CHST11: variants seen among roughly 807,000 people sequenced by gnomAD.
The protein encoded by CHST11 is carbohydrate sulfotransferase 11, also known as C4S-1.
CHST11 carries 9 observed loss-of-function variants against 30.4 expected under a neutral mutation model. That is an observed-to-expected ratio of 0.30 (90% confidence interval 0.18 to 0.52). CHST11 has a LOEUF of 0.52. Among genes scored for constraint, CHST11 ranks in the 20% least tolerant of loss-of-function variants. The pLI is 0.97. For synonymous variants in CHST11, 152 were observed against 187.8 expected (o/e 0.81, Z 1.56); for missense variants, 348 against 460.6 (o/e 0.76, Z 2.24).
chr12:104,626,264 T>G (rs936829569), intron 2 of CHST11, among the ~76,000 whole-genome samples: 1 of 152,224 alleles, frequency 6.6e-6, no homozygotes, highest in African/African-American at 2.4e-5. Flanking sequence ...CAAGTTAGTT[T>G]GAGCTATTTT....
At chr12:104,468,879 A>T (rs935482060) in intron 1 of CHST11, among the ~76,000 whole-genome samples, 4 of 152,242 alleles carry the variant, frequency 2.6e-5, no homozygotes, top group African/African-American at 9.6e-5. Flanking sequence ...ATGAGAAGTT[A>T]GATGTGAAAA....
intron 2 of CHST11, among the ~76,000 whole-genome samples, chr12:104,743,272 TG>T (rs1370005700): frequency 6.6e-6 from 1 of 152,220 alleles, no homozygotes; most frequent in Non-Finnish European, 1.5e-5. Flanking sequence ...GGGAAGGGGA[TG>T]GGAGAGCTGA....
chr12:104,598,883 C>T (rs2038931664), intron 1 of CHST11, among the ~76,000 whole-genome samples: 1 of 148,776 alleles, frequency 6.7e-6, no homozygotes, highest in Non-Finnish European at 1.5e-5. Context: ...GCCAGCTGGC[C>T]TAGCTGAGTT....
chr12:104,627,797 G>GAT (rs398116829), intron 2 of CHST11, among the ~76,000 whole-genome samples: 7 of 152,198 alleles, frequency 4.6e-5, no homozygotes, highest in East Asian at 3.9e-4. Context: ...TGATGATGAT[G>GAT]GTGGTGGTGG....
At chr12:104,459,973 A>G (rs554713645) in intron 1 of CHST11, among the ~76,000 whole-genome samples, 5 of 152,394 alleles carry the variant, frequency 3.3e-5, no homozygotes, top group African/African-American at 1.2e-4. Context: ...TCAACAGTTT[A>G]TCATTACACG....
chr12:104,597,597 G>A (rs975689748), intron 1 of CHST11, among the ~76,000 whole-genome samples: 3 of 152,116 alleles, frequency 2.0e-5, no homozygotes, highest in African/African-American at 7.3e-5. Context: ...AACCTTTTGA[G>A]TACCTACTAC....
At chr12:104,634,888 G>T (rs1425058478) in intron 2 of CHST11, among the ~76,000 whole-genome samples, 2 of 152,102 alleles carry the variant, frequency 1.3e-5, no homozygotes, top group Non-Finnish European at 2.9e-5. Flanking sequence ...TACTCCTGGG[G>T]TTGTCCATTT....
chr12:104,497,213 T>C (rs2037807389), intron 1 of CHST11, among the ~76,000 whole-genome samples: 1 of 152,232 alleles, frequency 6.6e-6, no homozygotes, highest in Non-Finnish European at 1.5e-5. Flanking sequence ...CATGTGGATA[T>C]GGGGTCTTAA....
intron 2 of CHST11, among the ~76,000 whole-genome samples, chr12:104,629,585 G>T (rs1031773115): frequency 1.3e-5 from 2 of 151,064 alleles, no homozygotes; most frequent in African/African-American, 2.4e-5. Context: ...ACTTTGGGAG[G>T]CCGAGGCAGG....
chr12:104,740,255 G>C (rs2040336025), intron 2 of CHST11, among the ~76,000 whole-genome samples: 1 of 152,138 alleles, frequency 6.6e-6, no homozygotes, highest in Non-Finnish European at 1.5e-5. Flanking sequence ...CTTCTTTTTA[G>C]TTTTATAATT....
At chr12:104,722,719 G>A (rs2040187620) in intron 2 of CHST11, among the ~76,000 whole-genome samples, 1 of 151,472 alleles carries the variant, frequency 6.6e-6, no homozygotes, top group Admixed American at 6.6e-5. Context: ...AGAAAACAAG[G>A]CCCCATCCCC....
chr12:104,574,495 G>C (rs1314157640), intron 1 of CHST11, among the ~76,000 whole-genome samples: 1 of 152,312 alleles, frequency 6.6e-6, no homozygotes, highest in East Asian at 1.9e-4. Context: ...TTAAGAAAAT[G>C]TGGCACATAT....
chr12:104,582,823 G>A (rs1413749795), intron 1 of CHST11, among the ~76,000 whole-genome samples: 2 of 151,278 alleles, frequency 1.3e-5, no homozygotes, highest in Non-Finnish European at 2.9e-5. Context: ...GTATAGAGCC[G>A]GAACTCCAAA....
At chr12:104,539,349 A>G (rs1442797234) in intron 1 of CHST11, among the ~76,000 whole-genome samples, 1 of 152,226 alleles carries the variant, frequency 6.6e-6, no homozygotes, top group African/African-American at 2.4e-5. Context: ...TAATAAGATA[A>G]TGCACCACAC....
At chr12:104,499,959 T>C (rs550489465) in intron 1 of CHST11, among the ~76,000 whole-genome samples, 1 of 152,360 alleles carries the variant, frequency 6.6e-6, no homozygotes, top group East Asian at 1.9e-4. Flanking sequence ...ATAAGATTCA[T>C]ACAGCTTTGC....
chr12:104,565,410 G>A (rs574825651), intron 1 of CHST11, among the ~76,000 whole-genome samples: 26 of 151,988 alleles, frequency 1.7e-4, no homozygotes, highest in South Asian at 1.0e-3. Context: ...GGGACTACAG[G>A]TACGTGCCAC....
At chr12:104,720,840 T>C (rs1328817933) in intron 2 of CHST11, among the ~76,000 whole-genome samples, 3 of 152,224 alleles carry the variant, frequency 2.0e-5, no homozygotes, top group Non-Finnish European at 2.9e-5. Context: ...CGCTGCTGCT[T>C]TGGGACTTTT....
rs545496465 is a variant in CHST11, at chr12:104,756,908, G to A, written c.205-41G>A. 21 of 1,574,426 alleles carry A rather than the reference G, an allele frequency of 1.3e-5. No homozygotes were observed. In the East Asian group the frequency reaches 4.5e-4, roughly 34 times the overall value. ...TTGTAGCCAAGTGGAAATGTTTCAG[G>A]CAAGTACTGAGTTCTTATTCGTCTT... On this transcript the variant is annotated intron_variant, in intron 2 of 2. Transcript: ENST00000303694.
At chr12:104,709,387 C>T (rs2040064712) in intron 2 of CHST11, among the ~76,000 whole-genome samples, 1 of 152,204 alleles carries the variant, frequency 6.6e-6, no homozygotes, top group Non-Finnish European at 1.5e-5. Flanking sequence ...AGCCAAAAGG[C>T]AGACGTGGCC....
Sources: gnomAD v4.1 joint callset for allele counts (sites outside exome capture counted in the v4.1 genomes callset) on GRCh38, gnomAD v4.1.1 for gene constraint, MANE v1.5 for transcripts, NCBI Gene and HGNC (gene_info 2026-07-23, HGNC 2026-07-21) for gene names.